Variants in WDR70 observed in about 807,000 individuals in gnomAD.
WDR70 encodes WD repeat-containing protein 70.
Under a neutral mutation model 88.6 loss-of-function variants are expected in WDR70, and 53 were observed. The ratio of observed to expected loss-of-function variants is 0.60; its 90% confidence interval spans 0.48 to 0.75. WDR70 has a LOEUF of 0.75. Among genes scored for constraint, WDR70 ranks in the 30% least tolerant of loss-of-function variants. The pLI is 0.00. For missense variants in WDR70, 610 were observed against 823.2 expected, an observed-to-expected ratio of 0.74 and a Z score of 3.17; for synonymous variants, 280 against 270.0, an observed-to-expected ratio of 1.04 and a Z score of -0.36.
At chr5:37,725,117 A>G in intron 16 of WDR70, 67 bp downstream of exon 16, 1 of 1,382,280 alleles carries the variant, frequency 7.2e-7, no homozygotes. Flanking sequence ...TTGATATAAA[A>G]TTGGGAAGGT....
intron 9 of WDR70, among the ~76,000 whole-genome samples, chr5:37,556,812 C>G (rs1347964763): frequency 6.6e-6 from 1 of 152,100 alleles, no homozygotes; most frequent in Non-Finnish European, 1.5e-5. Context: ...CAAAACCCTT[C>G]TATAACACTA....
intron 10 of WDR70, among the ~76,000 whole-genome samples, chr5:37,688,198 A>C (rs1746671357): frequency 6.6e-6 from 1 of 152,230 alleles, no homozygotes; most frequent in Non-Finnish European, 1.5e-5. Context: ...ATAGAGCTGT[A>C]AATGACCCTG....
Position 37,379,408 on chromosome 5 carries a change from C to G in WDR70, c.25+16C>G, listed in dbSNP as rs757564657. ...CCCAGCGAAGGTGGGTTTCATGAGG[C>G]GAGTCCGGGCGGGGTGGGCCGTGTC... On this transcript the variant is annotated intron_variant, in intron 1 of 17. Transcript: ENST00000265107. The G allele has an allele frequency of 3.7e-6, 6 of 1,613,546 alleles. No individual in the cohort carries two copies. In the East Asian group the frequency reaches 1.3e-4, roughly 36 times the overall value.
intron 16 of WDR70, among the ~76,000 whole-genome samples, chr5:37,725,612 A>G (rs998772253): frequency 6.6e-6 from 1 of 152,156 alleles, no homozygotes; most frequent in Non-Finnish European, 1.5e-5. Flanking sequence ...TCATCTGTGT[A>G]GTTTCTATTT....
At chr5:37,382,330 C>G (rs1166791871) in intron 3 of WDR70, among the ~76,000 whole-genome samples, 1 of 150,624 alleles carries the variant, frequency 6.6e-6, no homozygotes, top group Non-Finnish European at 1.5e-5. Context: ...GAACTCCTGA[C>G]CTTGTGATCT....
chr5:37,474,495 G>A (rs1739419390), intron 7 of WDR70, among the ~76,000 whole-genome samples: 1 of 152,092 alleles, frequency 6.6e-6, no homozygotes, highest in African/African-American at 2.4e-5. Context: ...ATGTCACTAG[G>A]CATGAGCACA....
intron 10 of WDR70, among the ~76,000 whole-genome samples, chr5:37,642,794 G>C (rs1745137608): frequency 2.0e-5 from 3 of 152,144 alleles, no homozygotes; most frequent in Non-Finnish European, 4.4e-5. Flanking sequence ...CTTCTTTTGA[G>C]AAATGTCTAT....
In WDR70 at chr5:37,525,237, G is replaced by C. The variant is rs569308647; in HGVS notation, c.917+8647G>C. ...TGACCACATAGTTGGAAGTAAAGCA[G>C]TCCTCAGCAAATGTAAAAGAACAGA... is the stretch of plus-strand genomic sequence containing the variant. On this transcript the variant is annotated intron_variant, in intron 9 of 17. Coordinates refer to ENST00000265107, the MANE Select transcript of WDR70 (RefSeq NM_018034.4). 8.5e-4 allele frequency among the ~76,000 whole-genome samples: 130 copies of C among 152,220 alleles called. 1 individual carries two copies. Among genetic ancestry groups the C allele is most frequent in the Non-Finnish European group, 1.7e-3 (113 of 68,010 alleles).
chr5:37,738,923 G>T (rs72743201), intron 17 of WDR70, among the ~76,000 whole-genome samples: 1 of 152,138 alleles, frequency 6.6e-6, no homozygotes, highest in Non-Finnish European at 1.5e-5. Context: ...CAGAGTTACC[G>T]AAGCTAAAGC....
At chr5:37,608,142 A>G (rs1413621421) in intron 10 of WDR70, among the ~76,000 whole-genome samples, 1 of 151,106 alleles carries the variant, frequency 6.6e-6, no homozygotes, top group Non-Finnish European at 1.5e-5. Flanking sequence ...CCCGGATTCA[A>G]GTGGTTCTTC....
intron 5 of WDR70, among the ~76,000 whole-genome samples, chr5:37,412,308 A>G (rs989903347): frequency 2.0e-5 from 3 of 152,088 alleles, no homozygotes; most frequent in African/African-American, 7.2e-5. Flanking sequence ...AATTGCTTGA[A>G]CCCGGGAGGT....
chr5:37,466,941 C>T (rs2112121755), intron 7 of WDR70, among the ~76,000 whole-genome samples: 1 of 151,852 alleles, frequency 6.6e-6, no homozygotes, highest in South Asian at 2.1e-4. Flanking sequence ...GTAGCTTAAA[C>T]AGTAGATATT....
chr5:37,592,232 T>G (rs1272249016), intron 9 of WDR70, among the ~76,000 whole-genome samples: 1 of 152,204 alleles, frequency 6.6e-6, no homozygotes, highest in African/African-American at 2.4e-5. Flanking sequence ...AGCCTGAAGG[T>G]AATTTTATAT....
chr5:37,576,115 C>A (rs1165719226), intron 9 of WDR70, among the ~76,000 whole-genome samples: 1 of 131,156 alleles, frequency 7.6e-6, no homozygotes, highest in Non-Finnish European at 1.6e-5. Context: ...GCCTCCTTCC[C>A]TCCCTCCCTC....
intron 9 of WDR70, among the ~76,000 whole-genome samples, chr5:37,601,528 G>A (rs1424108384): frequency 1.3e-5 from 2 of 152,176 alleles, no homozygotes; most frequent in Non-Finnish European, 2.9e-5. Context: ...GGCAATGCTA[G>A]CCTTGTAAAA....
chr5:37,622,499 C>A (rs1685395595), intron 10 of WDR70, among the ~76,000 whole-genome samples: 1 of 151,966 alleles, frequency 6.6e-6, no homozygotes, highest in Non-Finnish European at 1.5e-5. Flanking sequence ...AGCCAAATGT[C>A]CAACAATGAT....
chr5:37,700,745 C>T (rs1339094545), intron 11 of WDR70, among the ~76,000 whole-genome samples: 1 of 152,182 alleles, frequency 6.6e-6, no homozygotes, highest in Non-Finnish European at 1.5e-5. Context: ...AGAGTAGATT[C>T]TCCAGGGTTC....
At chr5:37,637,336 A>AAATT (rs1744998272) in intron 10 of WDR70, among the ~76,000 whole-genome samples, 2 of 112,618 alleles carry the variant, frequency 1.8e-5, no homozygotes, top group Admixed American at 8.7e-5. Flanking sequence ...AAAAATAAAT[A>AAATT]AATTAAATAA....
intron 11 of WDR70, 90 bp from the exon 12 acceptor site, chr5:37,700,968 A>G (rs1747143486): frequency 1.3e-6 from 1 of 750,124 alleles, no homozygotes; most frequent in Non-Finnish European, 2.4e-6. Flanking sequence ...TTACAGTTAT[A>G]CATTAAGTTT....
Sources: allele counts gnomAD v4.1 joint callset (sites outside exome capture counted in the v4.1 genomes callset), GRCh38; gene constraint gnomAD v4.1.1; transcripts MANE v1.5; gene names NCBI Gene and HGNC (gene_info 2026-07-23, HGNC 2026-07-21).